The following CARD10 variants were observed in gnomAD, a reference collection of about 807,000 sequenced individuals.
CARD10 encodes the protein caspase recruitment domain-containing protein 10.
In CARD10, 49 loss-of-function variants were observed where a neutral mutation model predicts 114.6. The observed-to-expected ratio is 0.43, with a 90% CI of 0.34 to 0.54. The LOEUF (loss-of-function observed/expected upper bound fraction) is 0.54, where lower values mean the gene tolerates loss of function less well. CARD10 is among the 20% of genes least tolerant of loss of function. The probability of loss-of-function intolerance (pLI) is 0.03; values close to 1 mark genes in which losing one functional copy is unlikely to be tolerated. For synonymous variants in CARD10, 602 were observed against 593.2 expected (o/e 1.01, Z -0.21); for missense variants, 1,206 against 1,397.2 (o/e 0.86, Z 2.18).
rs1287982311 is a variant in CARD10 at position 37,491,024 on chromosome 22, TGA to T, written c.*133_*134del. ...GCAGGGCCAGAGACAGCCTTGGGGG[TGA>T]GAGGCCAGAGCCAAGGGCCCTGCAT... On this transcript the variant is annotated 3_prime_UTR_variant, in exon 20 of 20. Transcript: ENST00000251973. 2.9e-6 allele frequency: 2 copies of T among 696,282 alleles called. No homozygotes were observed. The highest frequency in any genetic ancestry group is 5.3e-5 in the Admixed American group (2 of 38,072). The allele number at this position is 696,282 out of a possible 1,614,324, so 43.1% of individuals were successfully genotyped here.
intron 2 of CARD10, among the ~76,000 whole-genome samples, chr22:37,516,915 A>G (rs1363903116): frequency 6.6e-6 from 1 of 152,272 alleles, no homozygotes; most frequent in Non-Finnish European, 1.5e-5. Context: ...TCAATGAAAT[A>G]TAAACTTAAA....
intron 4 of CARD10, 121 bp from the exon 5 acceptor site, chr22:37,508,803 G>T: frequency 1.6e-6 from 2 of 1,275,226 alleles, no homozygotes; most frequent in South Asian, 1.5e-5. Flanking sequence ...TGCCATGCTG[G>T]CCCGGGGCCT....
intron 1 of CARD10, among the ~76,000 whole-genome samples, chr22:37,518,466 C>T (rs1923915551): frequency 6.6e-6 from 1 of 152,200 alleles, no homozygotes; most frequent in Admixed American, 6.5e-5. Flanking sequence ...CCATTAAAGA[C>T]CATTCCATCA....
At chr22:37,497,209 A>T in intron 11 of CARD10, 31 bp from the exon 12 acceptor site, 1 of 1,593,230 alleles carries the variant, frequency 6.3e-7, no homozygotes, top group South Asian at 1.1e-5. Context: ...TGAGAATTGG[A>T]GTCCAATCAG....
In CARD10 at chr22:37,492,471, G is replaced by A; in HGVS notation, c.2715C>T (p.Gly905=). The change falls in exon 18 of 20, where the codon GGC becomes GGT. Residue 905 remains glycine (G), a synonymous_variant. Transcript: ENST00000251973. The surrounding 1 kb of genome is among the most constrained non-coding windows in gnomAD (Gnocchi z 5.7). The stretch of plus-strand genomic sequence containing the variant: ...ACTCCTGGATGGCCCGGATCCTGCT[G>A]CCTAGCCCAGGGGTGGCAGGCTGAG... The part of the protein sequence containing the change: ...PKAQPATPGL[G]SRIRAIQESV... 3 of 1,598,542 alleles carry A rather than the reference G, an allele frequency of 1.9e-6. No individual in the cohort carries two copies. The highest frequency in any genetic ancestry group is 1.3e-5 in the African/African-American group (1 of 74,758).
intron 15 of CARD10, 39 bp from the exon 16 acceptor site, chr22:37,494,227 A>C: frequency 1.4e-6 from 2 of 1,390,624 alleles, no homozygotes; most frequent in African/African-American, 1.4e-5. Context: ...CTGAGAGCTC[A>C]GCCCCGCCCC....
intron 4 of CARD10, chr22:37,508,926 G>T (rs1225657598): frequency 6.9e-7 from 1 of 1,454,224 alleles, no homozygotes; most frequent in South Asian, 1.3e-5. Flanking sequence ...GCTAAGTGGA[G>T]AAGGGTGTGA....
In CARD10 at chr22:37,501,416, G is replaced by T. The variant is rs1016356207; in HGVS notation, c.1787+1186C>A. On this transcript the variant is annotated intron_variant, in intron 11 of 19. Coordinates refer to ENST00000251973, the MANE Select transcript of CARD10 (RefSeq NM_014550.4). The surrounding 1 kb of genome is among the most constrained non-coding windows in gnomAD (Gnocchi z 5.4). ...AGGGAGGCGCCTCCACCCCTTCCCC[G>T]AGAAGCACGTCCTGCACAGGCAAAA... 1.3e-5 allele frequency among the ~76,000 whole-genome samples: 2 copies of T among 150,834 alleles called. No homozygotes were observed. The highest frequency in any genetic ancestry group is 2.0e-4 in the East Asian group (1 of 5,084).
Position 37,519,400 on chromosome 22 carries a change from G to C in CARD10, c.-200C>G. On this transcript the variant is annotated 5_prime_UTR_variant, in exon 1 of 20. Coordinates refer to ENST00000251973, the MANE Select transcript of CARD10 (RefSeq NM_014550.4). The surrounding 1 kb of genome is among the most constrained non-coding windows in gnomAD (Gnocchi z 4.1). ...TCCGCACTCGGGCGGCGGCTCCGCCGGCGCAGGGGGGCGGTGCCCGTGGCG... is the reference window on the plus strand; with the variant it reads ...TCCGCACTCGGGCGGCGGCTCCGCCCGCGCAGGGGGGCGGTGCCCGTGGCG... 1 of 1,189,868 alleles carries C rather than the reference G, an allele frequency of 8.4e-7. No individual in the cohort carries two copies. The highest frequency in any genetic ancestry group is 1.0e-6 in the Non-Finnish European group (1 of 961,330). 73.7% of individuals were successfully genotyped at this position (1,189,868 alleles called of 1,614,324 possible).
chr22:37,506,188 T>C lies in CARD10; in HGVS notation c.1383+4A>G. 6.5e-7 allele frequency: 1 copy of C among 1,532,096 alleles called. No homozygotes were observed. The highest frequency in any genetic ancestry group is 8.8e-7 in the Non-Finnish European group (1 of 1,134,046). 94.9% of individuals were successfully genotyped at this position (1,532,096 alleles called of 1,614,324 possible). On this transcript the variant is annotated splice_donor_region_variant and intron_variant, in intron 7 of 19. Transcript: ENST00000251973. ...CAGGACCTCCACAATCTTGACCCGC[T>C]CACCTTGAGGCAGGTGCCACCCTGG... is the stretch of plus-strand genomic sequence containing the variant.
chr22:37,501,453 C>T lies in CARD10; in HGVS notation c.1787+1149G>A, dbSNP rs1017178604. 6.6e-6 allele frequency among the ~76,000 whole-genome samples: 1 copy of T among 152,206 alleles called. No individual in the cohort carries two copies. The highest frequency in any genetic ancestry group is 6.5e-5 in the Admixed American group (1 of 15,280). On this transcript the variant is annotated intron_variant, in intron 11 of 19. Transcript: ENST00000251973. The surrounding 1 kb of genome is among the most constrained non-coding windows in gnomAD (Gnocchi z 5.4). ...CTGCACAGGCAAAAACAATGTCTCG[C>T]TGAGCCCACTGCCGGGGGCCAGGTG... is the stretch of plus-strand genomic sequence containing the variant.
intron 16 of CARD10, 94 bp downstream of exon 16, chr22:37,493,992 C>T: frequency 1.0e-6 from 1 of 969,282 alleles, no homozygotes; most frequent in Non-Finnish European, 1.6e-6. Context: ...CCCTTCCAGG[C>T]CAAAGAGGCC....
At chr22:37,509,210 G>T in intron 4 of CARD10, 2 of 1,366,316 alleles carry the variant, frequency 1.5e-6, no homozygotes. Context: ...CAATGGCCAG[G>T]AGGCAGGCCC....
At chr22:37,495,626 A>G (rs1197489900) in intron 14 of CARD10, 40 bp from the exon 15 acceptor site, 3 of 1,610,826 alleles carry the variant, frequency 1.9e-6, no homozygotes, top group Non-Finnish European at 2.5e-6. Context: ...GAAAGAAGGA[A>G]AGCTCCTCAT....
At chr22:37,503,957 G>A in intron 9 of CARD10, 1 of 691,034 alleles carries the variant, frequency 1.4e-6, no homozygotes, top group Non-Finnish European at 2.7e-6. Context: ...CTGCCAGGAT[G>A]CTTGGCTAGG....
chr22:37,515,873 A>G (rs56391261), intron 3 of CARD10, 100 bp downstream of exon 3: 44,045 of 948,312 alleles, frequency 0.046, 1,656 homozygotes, highest in African/African-American at 0.17. Flanking sequence ...TCCACGTCAA[A>G]GAGCCAGCAA....
chr22:37,509,566 G>A (rs534206717), intron 4 of CARD10, among the ~76,000 whole-genome samples: 35 of 151,642 alleles, frequency 2.3e-4, no homozygotes, highest in African/African-American at 6.8e-4. Context: ...CCTGTTTTCC[G>A]GGTCTGACCC....
In CARD10 at chr22:37,495,944, A is replaced by C. The variant is rs756010220; in HGVS notation, c.2119T>G (p.Phe707Val). ...AAGGTGAGGTTGGCACGAATGTAGAAGGGCTCGGCACCTGGTCCCTTTGCC... is the reference window on the plus strand; with the variant it reads ...AAGGTGAGGTTGGCACGAATGTAGACGGGCTCGGCACCTGGTCCCTTTGCC... ...AWAKGPGAEP[F>V]YIRANLTLPE... The change falls in exon 14 of 20, where the codon TTC (phenylalanine) becomes GTC (valine). Residue 707 changes from phenylalanine (F) to valine (V), a missense_variant. Phe to Val is a conservative substitution (Grantham distance 50, BLOSUM62 -1). This residue lies in a region of CARD10 where 1,068 missense variants were observed against 1,179.1 expected (regional missense o/e 0.91). Transcript: ENST00000251973. 8 of 1,614,016 alleles carry C rather than the reference A, an allele frequency of 5.0e-6. No homozygotes were observed. The African/African-American group carries it at 6.7e-5, about 13-fold the overall frequency.
At position 37,504,725 on chromosome 22, in the gene CARD10, A is replaced by G. The variant is rs754363071; in HGVS notation, c.1428T>C (p.Thr476=). 1.2e-4 allele frequency: 187 copies of G among 1,579,636 alleles called. 2 individuals carry two copies. In the South Asian group the frequency reaches 2.1e-3, roughly 18 times the overall value. Residue 476 remains threonine, a synonymous_variant, in exon 8 of 20, where the codon ACT becomes ACC. Transcript: ENST00000251973. ...SHSLCSNLSS[T]WSLSEFPSPL... Reference sequence around the variant, plus strand: ...GGGAGGGGAACTCGCTCAGGCTCCAAGTGCTGCTGAGGTTGGAGCACAGGG... The same window carrying G: ...GGGAGGGGAACTCGCTCAGGCTCCAGGTGCTGCTGAGGTTGGAGCACAGGG...
Sources: allele counts gnomAD v4.1 joint callset (sites outside exome capture counted in the v4.1 genomes callset), GRCh38; gene constraint gnomAD v4.1.1; regional missense constraint gnomAD v4.1.1; non-coding constraint Gnocchi (gnomAD v3.1); transcripts MANE v1.5; gene names NCBI Gene and HGNC (gene_info 2026-07-23, HGNC 2026-07-21).